The following WDR41 variants were observed in gnomAD, a reference collection of about 807,000 sequenced individuals.
WDR41 encodes the protein WD repeat-containing protein 41.
WDR41 carries 63 observed loss-of-function variants against 69.3 expected under a neutral mutation model. The ratio of observed to expected loss-of-function variants is 0.91; its 90% CI spans 0.74 to 1.12. The LOEUF (loss-of-function observed/expected upper bound fraction) is 1.12, where lower values mean the gene tolerates loss of function less well. Ranked by LOEUF, WDR41 falls within the 50% of genes most tolerant of loss-of-function variation. The probability of loss-of-function intolerance (pLI) is 0.00; values close to 1 mark genes in which losing one functional copy is unlikely to be tolerated. For missense variants in WDR41, 543 were observed against 534.5 expected, an observed-to-expected ratio of 1.02 and a Z score of -0.16; for synonymous variants, 185 against 192.1, an observed-to-expected ratio of 0.96 and a Z score of 0.31.
intron 1 of WDR41, among the ~76,000 whole-genome samples, chr5:77,578,270 A>G (rs889497159): frequency 2.6e-5 from 4 of 152,194 alleles, no homozygotes; most frequent in Non-Finnish European, 5.9e-5. Context: ...AGAGTTTAAC[A>G]GGCTTAACAC....
chr5:77,487,342 T>C (rs1174721607), intron 2 of WDR41, among the ~76,000 whole-genome samples: 2 of 152,178 alleles, frequency 1.3e-5, no homozygotes, highest in Admixed American at 1.3e-4. Flanking sequence ...AAATCTTACC[T>C]TTCCAGAAAT....
chr5:77,588,702 C>T (rs35612809), intron 1 of WDR41, among the ~76,000 whole-genome samples: 41,154 of 151,918 alleles, frequency 0.27, 5,647 homozygotes, highest in Non-Finnish European at 0.29. Context: ...TGCTCCTATG[C>T]GAAATAAAAG....
intron 1 of WDR41, among the ~76,000 whole-genome samples, chr5:77,527,576 T>G (rs1023083997): frequency 2.0e-5 from 3 of 151,842 alleles, no homozygotes; most frequent in South Asian, 4.1e-4. Flanking sequence ...ACTATACAAT[T>G]TAAACAGAAG....
At chr5:77,453,967 T>G (rs763016383) in intron 5 of WDR41, 39 bp from the exon 6 acceptor site, 1 of 1,494,662 alleles carries the variant, frequency 6.7e-7, no homozygotes, top group Non-Finnish European at 9.3e-7. Flanking sequence ...GGTTAGAAAC[T>G]TAAGCAGTCA....
chr5:77,502,814 G>A (rs1195947464), intron 1 of WDR41, among the ~76,000 whole-genome samples: 1 of 152,172 alleles, frequency 6.6e-6, no homozygotes, highest in African/African-American at 2.4e-5. Flanking sequence ...ACAGGCAAAT[G>A]CTGAGAGATT....
At chr5:77,498,816 C>CAAAAAAAAAAAAA (rs35946022) in intron 1 of WDR41, among the ~76,000 whole-genome samples, 1 of 87,432 alleles carries the variant, frequency 1.1e-5, no homozygotes. Flanking sequence ...AAGACCCCAT[C>CAAAAAAAAAAAAA]AAAAAAAAAA....
At chr5:77,593,234 T>C (rs551937535) in intron 1 of WDR41, among the ~76,000 whole-genome samples, 1 of 152,214 alleles carries the variant, frequency 6.6e-6, no homozygotes, top group Non-Finnish European at 1.5e-5. Flanking sequence ...ACTCTAAGGA[T>C]GATCAGAGCC....
At chr5:77,579,763 A>G (rs1219349737) in intron 1 of WDR41, among the ~76,000 whole-genome samples, 1 of 152,226 alleles carries the variant, frequency 6.6e-6, no homozygotes, top group Non-Finnish European at 1.5e-5. Context: ...GTAATCAGAA[A>G]AGAAGTATAA....
chr5:77,569,476 A>T (rs929767238), intron 1 of WDR41, among the ~76,000 whole-genome samples: 1 of 152,138 alleles, frequency 6.6e-6, no homozygotes, highest in African/African-American at 2.4e-5. Flanking sequence ...ATGCCTATCA[A>T]CCACCCAGAG....
At chr5:77,551,649 G>T (rs779447952) in intron 1 of WDR41, among the ~76,000 whole-genome samples, 14 of 151,832 alleles carry the variant, frequency 9.2e-5, no homozygotes, top group Admixed American at 2.0e-4. Context: ...CTGCACTCCA[G>T]CCTGGGTGAC....
At chr5:77,502,415 C>T (rs549828980) in intron 1 of WDR41, among the ~76,000 whole-genome samples, 2 of 151,904 alleles carry the variant, frequency 1.3e-5, no homozygotes, top group Admixed American at 6.6e-5. Context: ...TGAAAGTGAT[C>T]GGGAGAATGC....
At chr5:77,515,212 T>G (rs1209278220) in intron 1 of WDR41, among the ~76,000 whole-genome samples, 1 of 152,184 alleles carries the variant, frequency 6.6e-6, no homozygotes, top group Non-Finnish European at 1.5e-5. Flanking sequence ...CTTTATATAC[T>G]TATTCTATGA....
At chr5:77,510,241 C>T (rs958107360) in intron 1 of WDR41, among the ~76,000 whole-genome samples, 1 of 152,144 alleles carries the variant, frequency 6.6e-6, no homozygotes, top group Non-Finnish European at 1.5e-5. Context: ...AGAGCTTGTG[C>T]AGAGAAACTC....
At chr5:77,476,509 G>T (rs1183446568) in intron 2 of WDR41, among the ~76,000 whole-genome samples, 1 of 151,992 alleles carries the variant, frequency 6.6e-6, no homozygotes, top group Non-Finnish European at 1.5e-5. Context: ...AGACAGTGGG[G>T]GCCAATATTC....
At chr5:77,617,129 A>G (rs1744693134) in intron 1 of WDR41, among the ~76,000 whole-genome samples, 1 of 152,194 alleles carries the variant, frequency 6.6e-6, no homozygotes, top group African/African-American at 2.4e-5. Flanking sequence ...ACTGTCCAAT[A>G]AAGCTTTTTG....
chr5:77,565,263 A>G (rs1333195933), intron 1 of WDR41, among the ~76,000 whole-genome samples: 1 of 152,174 alleles, frequency 6.6e-6, no homozygotes, highest in Non-Finnish European at 1.5e-5. Context: ...CAACACATAC[A>G]GTGCATTTAA....
At chr5:77,569,382 G>A (rs1368610791) in intron 1 of WDR41, among the ~76,000 whole-genome samples, 1 of 152,054 alleles carries the variant, frequency 6.6e-6, no homozygotes, top group Non-Finnish European at 1.5e-5. Context: ...TTTTCCTATG[G>A]AAACTCATAT....
At chr5:77,554,943 A>G (rs1400054178) in intron 1 of WDR41, among the ~76,000 whole-genome samples, 1 of 152,086 alleles carries the variant, frequency 6.6e-6, no homozygotes, top group Non-Finnish European at 1.5e-5. Flanking sequence ...ATATACAAAA[A>G]TTAACTGGGC....
At chr5:77,463,716 G>A (rs367680406) in intron 3 of WDR41, among the ~76,000 whole-genome samples, 8 of 152,116 alleles carry the variant, frequency 5.3e-5, no homozygotes, top group Non-Finnish European at 1.5e-5. Context: ...CCACTCCATC[G>A]TTATTTAACA....
Sources: gnomAD v4.1 joint callset for allele counts (sites outside exome capture counted in the v4.1 genomes callset) on GRCh38, gnomAD v4.1.1 for gene constraint, MANE v1.5 for transcripts, NCBI Gene and HGNC (gene_info 2026-07-23, HGNC 2026-07-21) for gene names.